The following RFPL1 variants were observed in gnomAD, a reference collection of about 807,000 sequenced individuals.
RFPL1 encodes the protein ret finger protein-like 1.
In RFPL1, 6 loss-of-function variants were observed where a neutral mutation model predicts 9.6. That is an observed-to-expected ratio of 0.62 (90% CI 0.34 to 1.23). The LOEUF (loss-of-function observed/expected upper bound fraction) is 1.23. RFPL1 is among the 50% of genes most tolerant of loss of function. The pLI is 0.03. For missense variants in RFPL1, 352 were observed against 398.4 expected (o/e 0.88, Z 0.99); for synonymous variants, 145 against 149.4 (o/e 0.97, Z 0.22).
At chr22:29,442,026 A>G in exon 2 of RFPL1, 1 of 1,614,106 alleles carries the variant, frequency 6.2e-7, no homozygotes, top group South Asian at 1.1e-5. Flanking sequence ...TTGCTCCTCC[A>G]AGTCCACCTA....
chr22:29,412,658 G>T, the RFPL1 span, among the ~76,000 whole-genome samples: 1 of 152,136 alleles, frequency 6.6e-6, no homozygotes, highest in Non-Finnish European at 1.5e-5. Context: ...TCAGTCCTGG[G>T]GAAGACACAT....
At chr22:29,434,872 G>C (rs1246438106), upstream of RFPL1, 1 of 152,176 alleles carries the variant, frequency 6.6e-6, no homozygotes, top group Non-Finnish European at 1.5e-5. Context: ...CATTCACTAA[G>C]ATTTCTGCTG....
At chr22:29,442,362 TATTCTGGGATCAATTTC>T (rs2062845196) in exon 2 of RFPL1, 1 of 352,308 alleles carries the variant, frequency 2.8e-6, no homozygotes, top group Non-Finnish European at 5.1e-6. Context: ...AAATATTCTG[TATTCTGGGATCAATTTC>T]CAAATGCTTT....
At chr22:29,391,335 A>C in the RFPL1 span, among the ~76,000 whole-genome samples, 18 of 152,116 alleles carry the variant, frequency 1.2e-4, no homozygotes, top group Non-Finnish European at 2.1e-4. Context: ...TCCTCACACG[A>C]TCTTTCCTCT....
At chr22:29,437,772 C>T, upstream of RFPL1, 2 of 1,554,798 alleles carry the variant, frequency 1.3e-6, no homozygotes, top group Non-Finnish European at 1.7e-6. Flanking sequence ...CCTTAGATGC[C>T]TAGAAATGGG....
chr22:29,397,330 A>G, the RFPL1 span, among the ~76,000 whole-genome samples: 1 of 152,142 alleles, frequency 6.6e-6, no homozygotes, highest in East Asian at 1.9e-4. Context: ...TTGGGGGGAT[A>G]CACTGATTCA....
At chr22:29,430,069 G>A in the RFPL1 span, among the ~76,000 whole-genome samples, 1 of 152,090 alleles carries the variant, frequency 6.6e-6, no homozygotes, top group Non-Finnish European at 1.5e-5. Flanking sequence ...GATGTGACTC[G>A]TCTATGTAAT....
the RFPL1 span, chr22:29,432,933 G>A: frequency 4.6e-5 from 7 of 152,180 alleles, no homozygotes; most frequent in African/African-American, 1.4e-4. Context: ...CGTTTCTGCA[G>A]ACATTGGCCA....
At chr22:29,417,526 G>C in the RFPL1 span, among the ~76,000 whole-genome samples, 9 of 146,568 alleles carry the variant, frequency 6.1e-5, no homozygotes, top group East Asian at 1.8e-3. Flanking sequence ...TGGGCACCAC[G>C]AGGGCATGGG....
the RFPL1 span, among the ~76,000 whole-genome samples, chr22:29,423,917 A>G: frequency 7.2e-5 from 11 of 152,218 alleles, no homozygotes; most frequent in Admixed American, 2.0e-4. Context: ...ATTGTAAGAC[A>G]ATAAGGGCCA....
chr22:29,403,208 G>C, the RFPL1 span, among the ~76,000 whole-genome samples: 1 of 151,874 alleles, frequency 6.6e-6, no homozygotes, highest in Non-Finnish European at 1.5e-5. Flanking sequence ...AAAGTGAGGC[G>C]GAGCCTTGTG....
the RFPL1 span, among the ~76,000 whole-genome samples, chr22:29,418,957 A>G: frequency 6.6e-6 from 1 of 152,000 alleles, no homozygotes; most frequent in Non-Finnish European, 1.5e-5. Context: ...CTCCATCACC[A>G]CCTGACCTGT....
upstream of RFPL1, among the ~76,000 whole-genome samples, chr22:29,435,257 T>A (rs1414115596): frequency 3.3e-5 from 5 of 152,230 alleles, no homozygotes; most frequent in Non-Finnish European, 5.9e-5. Flanking sequence ...TTTTGCTGGC[T>A]CTCTGTGCCC....
the RFPL1 span, among the ~76,000 whole-genome samples, chr22:29,402,600 A>C: frequency 4.6e-5 from 7 of 152,046 alleles, no homozygotes. Flanking sequence ...GCTATGGTCA[A>C]GTTGAAGACA....
At chr22:29,413,230 C>A in the RFPL1 span, among the ~76,000 whole-genome samples, 2 of 151,868 alleles carry the variant, frequency 1.3e-5, no homozygotes, top group African/African-American at 4.8e-5. Flanking sequence ...AAATTCAGAA[C>A]CTCATCAACA....
the RFPL1 span, among the ~76,000 whole-genome samples, chr22:29,430,518 A>G: frequency 6.6e-6 from 1 of 152,186 alleles, no homozygotes; most frequent in Non-Finnish European, 1.5e-5. Context: ...TAATACTGTA[A>G]CTAACAAAAC....
chr22:29,438,850 C>T, exon 1 of RFPL1: 1 of 1,613,906 alleles, frequency 6.2e-7, no homozygotes, highest in Non-Finnish European at 8.5e-7. Context: ...AATTTTCTTC[C>T]CTTGTGCACT....
chr22:29,410,006 G>A, the RFPL1 span, among the ~76,000 whole-genome samples: 1 of 151,814 alleles, frequency 6.6e-6, no homozygotes, highest in South Asian at 2.1e-4. Flanking sequence ...AATATTCCAT[G>A]AAAACCCATT....
At chr22:29,406,852 C>T in the RFPL1 span, among the ~76,000 whole-genome samples, 2 of 152,068 alleles carry the variant, frequency 1.3e-5, no homozygotes, top group South Asian at 2.1e-4. Flanking sequence ...GGAGACGGCA[C>T]GGGATTTGGC....
Sources: gnomAD v4.1 joint callset for allele counts (sites outside exome capture counted in the v4.1 genomes callset) on GRCh38, gnomAD v4.1.1 for gene constraint, MANE v1.5 for transcripts, NCBI Gene and HGNC (gene_info 2026-07-23, HGNC 2026-07-21) for gene names.